Variants in HSD17B14 observed in about 807,000 individuals in gnomAD.
The protein encoded by HSD17B14 is hydroxysteroid 17-beta dehydrogenase 14, also known as L-fucose dehydrogenase.
A neutral mutation model predicts 32.2 loss-of-function variants in HSD17B14; 32 were observed. The observed-to-expected ratio is 0.99, with a 90% CI of 0.75 to 1.33. HSD17B14 has a LOEUF of 1.33. HSD17B14 is among the 40% of genes most tolerant of loss of function. HSD17B14 has a pLI of 0.00. For synonymous variants in HSD17B14, 140 were observed against 155.4 expected (o/e 0.90, Z 0.74); for missense variants, 370 against 366.5 (o/e 1.01, Z -0.08).
intron 5 of HSD17B14, among the ~76,000 whole-genome samples, chr19:48,821,258 C>A (rs926837527): frequency 4.6e-5 from 7 of 152,100 alleles, no homozygotes; most frequent in South Asian, 4.1e-4. Flanking sequence ...CGTGATCCAC[C>A]CGCCTTGGCC....
intron 5 of HSD17B14, among the ~76,000 whole-genome samples, chr19:48,822,091 A>AT (rs550820666): frequency 4.4e-4 from 66 of 149,056 alleles, no homozygotes; most frequent in African/African-American, 1.5e-3. Context: ...GATGGTGATG[A>AT]TGGTGGTGAT....
intron 4 of HSD17B14, 94 bp from the exon 5 acceptor site, chr19:48,831,853 G>A: frequency 1.4e-6 from 1 of 735,040 alleles, no homozygotes; most frequent in South Asian, 1.6e-5. Context: ...GCTGAGGCAG[G>A]CGGATCATGA....
rs1419953107 is a variant in HSD17B14 at position 48,834,328 on chromosome 19, A to T, written c.158T>A (p.Leu53His). The T allele has an allele frequency of 6.2e-7, 1 of 1,614,004 alleles. No homozygotes were observed. The highest frequency in any genetic ancestry group is 8.5e-7 in the Non-Finnish European group (1 of 1,179,918). Residue 53 changes from leucine (L) to histidine (H), a missense_variant, in exon 3 of 9, where the codon CTC (leucine) becomes CAC (histidine). By Grantham distance (99) the Leu-to-His change is moderately conservative (BLOSUM62 -3). Coordinates refer to ENST00000263278, the MANE Select transcript of HSD17B14 (RefSeq NM_016246.3). ...ESGGRALEQE[L>H]PGAVFILCDV... ...ACAGAGGATAAAGACAGCTCCAGGGAGCTCCTGCTCCAGGGCCCGGCCCCC... is the reference window on the plus strand; with the variant it reads ...ACAGAGGATAAAGACAGCTCCAGGGTGCTCCTGCTCCAGGGCCCGGCCCCC...
At chr19:48,827,932 G>A (rs1461821334) in intron 5 of HSD17B14, among the ~76,000 whole-genome samples, 3 of 147,748 alleles carry the variant, frequency 2.0e-5, no homozygotes, top group South Asian at 4.2e-4. Flanking sequence ...TCGGCTCACT[G>A]CAACCTCCGC....
intron 5 of HSD17B14, among the ~76,000 whole-genome samples, chr19:48,820,274 G>A (rs2035124208): frequency 6.6e-6 from 1 of 151,990 alleles, no homozygotes; most frequent in Non-Finnish European, 1.5e-5. Context: ...AAGAGTTCGA[G>A]ACCAGCCTGA....
chr19:48,820,472 A>G (rs779981081), intron 5 of HSD17B14, among the ~76,000 whole-genome samples: 2 of 151,926 alleles, frequency 1.3e-5, no homozygotes, highest in South Asian at 2.1e-4. Context: ...ACCATCTCCA[A>G]AATAAAAGAA....
At chr19:48,819,927 C>T (rs1337561638) in intron 5 of HSD17B14, among the ~76,000 whole-genome samples, 1 of 151,874 alleles carries the variant, frequency 6.6e-6, no homozygotes, top group Non-Finnish European at 1.5e-5. Flanking sequence ...GTGGGAGGAT[C>T]ACTTGAGCCC....
chr19:48,833,699 G>A (rs1478824457), intron 3 of HSD17B14, among the ~76,000 whole-genome samples: 1 of 152,130 alleles, frequency 6.6e-6, no homozygotes, highest in South Asian at 2.1e-4. Context: ...GGTGGCACAT[G>A]CCTGAAATCT....
Position 48,824,495 on chromosome 19 carries a change from G to T in HSD17B14, c.369+7173C>A, listed in dbSNP as rs536671428. On this transcript the variant is annotated intron_variant, in intron 5 of 8. Coordinates refer to ENST00000263278, the MANE Select transcript of HSD17B14 (RefSeq NM_016246.3). ...AAGAGAGAAAGAAAGAAAGGGCCGG[G>T]CGCAGTGGCTCACACCTGTAATCCC... Among the ~76,000 whole-genome samples, 26 of 151,760 alleles carry T rather than the reference G, an allele frequency of 1.7e-4. 1 individual carries two copies. In the South Asian group the frequency reaches 5.2e-3, roughly 30 times the overall value.
intron 6 of HSD17B14, among the ~76,000 whole-genome samples, chr19:48,814,396 C>A (rs904862349): frequency 1.3e-5 from 2 of 151,902 alleles, no homozygotes; most frequent in African/African-American, 2.4e-5. Flanking sequence ...GTGACAGCCA[C>A]CTGTAATCTC....
chr19:48,835,722 C>CCTCA, intron 2 of HSD17B14, 83 bp downstream of exon 2: 1 of 1,417,996 alleles, frequency 7.1e-7, no homozygotes, highest in Non-Finnish European at 9.9e-7. Context: ...ACTCCGGGGT[C>CCTCA]TGAGGGAGGA....
At chr19:48,814,408 G>C (rs1397793800) in intron 6 of HSD17B14, among the ~76,000 whole-genome samples, 1 of 152,014 alleles carries the variant, frequency 6.6e-6, no homozygotes, top group East Asian at 1.9e-4. Flanking sequence ...TGTAATCTCA[G>C]CTACTTGGGA....
In HSD17B14 at chr19:48,834,454, G is replaced by A. The variant is rs939481545; in HGVS notation, c.128-96C>T. ...CTGGGTCTGAGGGAGGAGGTGCTGG[G>A]GGCCTGGACTCCTGGGTCTGAGGGA... On this transcript the variant is annotated intron_variant, in intron 2 of 8. Coordinates refer to ENST00000263278, the MANE Select transcript of HSD17B14 (RefSeq NM_016246.3). 1,283 of 608,146 alleles carry A rather than the reference G, an allele frequency of 2.1e-3. 29 individuals carry two copies. The highest frequency in any genetic ancestry group is 0.013 in the East Asian group (356 of 26,536). 37.7% of individuals were successfully genotyped at this position (608,146 alleles called of 1,614,324 possible).
chr19:48,815,011 G>A (rs199980939), intron 6 of HSD17B14, 26 bp downstream of exon 6: 9 of 1,564,232 alleles, frequency 5.8e-6, no homozygotes, highest in Non-Finnish European at 7.9e-6. Flanking sequence ...AGTAGGGAGG[G>A]AAGGAAGGGG....
chr19:48,836,324 C>T lies in HSD17B14; in HGVS notation c.88G>A (p.Val30Met), dbSNP rs772717377. Residue 30 changes from valine (V) to methionine (M), a missense_variant and splice_region_variant, in exon 1 of 9, where the codon GTG (valine) becomes ATG (methionine). Transcript: ENST00000263278. The part of the protein sequence containing the change: ...GIGAGIVRAF[V>M]NSGARVVICD... The stretch of plus-strand genomic sequence containing the variant: ...CTCCCAGCAGTCAGACCCGGCTCAC[C>T]GAAGGCGCGCACGATCCCAGCTCCG... 1 of 1,613,678 alleles carries T rather than the reference C, an allele frequency of 6.2e-7. No homozygotes were observed. The highest frequency in any genetic ancestry group is 1.3e-5 in the African/African-American group (1 of 74,876).
chr19:48,826,525 G>GAAAAAAAAAA (rs1418028808), intron 5 of HSD17B14, among the ~76,000 whole-genome samples: 84 of 5,104 alleles, frequency 0.016, no homozygotes, highest in Admixed American at 0.073. Context: ...AAGAAAAGAA[G>GAAAAAAAAAA]AAAATATATA....
rs1358598406 is a variant in HSD17B14, at chr19:48,834,287, C to A, written c.199G>T (p.Asp67Tyr). 1.2e-6 allele frequency: 2 copies of A among 1,613,932 alleles called. No homozygotes were observed. Among genetic ancestry groups the A allele is most frequent in the Non-Finnish European group, 1.7e-6 (2 of 1,179,830 alleles). ...VFILCDVTQE[D>Y]DVKTLVSETI... ...GGAACTCGGCTTACCTTCACATCAT[C>A]TTCCTGAGTCACATCACAGAGGATA... is the stretch of plus-strand genomic sequence containing the variant. The change falls in exon 3 of 9, where the codon GAT becomes TAT. Residue 67 changes from aspartate (D) to tyrosine (Y), a missense_variant. Physicochemically the swap from Asp to Tyr is radical, Grantham distance 160. Transcript: ENST00000263278.
At chr19:48,833,471 C>T (rs917250530) in intron 3 of HSD17B14, among the ~76,000 whole-genome samples, 1 of 152,000 alleles carries the variant, frequency 6.6e-6, no homozygotes, top group Non-Finnish European at 1.5e-5. Flanking sequence ...GTGGGCGGAT[C>T]ACCTGAGGTC....
chr19:48,830,775 G>A (rs573510800), intron 5 of HSD17B14, among the ~76,000 whole-genome samples: 13 of 152,004 alleles, frequency 8.6e-5, no homozygotes, highest in African/African-American at 2.7e-4. Context: ...CTCTTGCCTC[G>A]GCCTCCCAAA....
Sources: gnomAD v4.1 joint callset for allele counts (sites outside exome capture counted in the v4.1 genomes callset) on GRCh38, gnomAD v4.1.1 for gene constraint, MANE v1.5 for transcripts, NCBI Gene and HGNC (gene_info 2026-07-23, HGNC 2026-07-21) for gene names.